Variants in CCDC50 observed in about 807,000 individuals in gnomAD.
CCDC50 encodes coiled-coil domain-containing protein 50.
CCDC50 carries 54 observed loss-of-function variants against 70.2 expected under a neutral mutation model. That is an observed-to-expected ratio of 0.77 (90% CI 0.62 to 0.96). CCDC50 has a LOEUF of 0.96. CCDC50 is among the 50% of genes least tolerant of loss of function. CCDC50 has a pLI of 0.00. For missense variants in CCDC50, 558 were observed against 578.7 expected (o/e 0.96, Z 0.37); for synonymous variants, 216 against 198.8 (o/e 1.09, Z -0.73).
At chr3:191,333,506 A>G (rs191481394) in intron 1 of CCDC50, among the ~76,000 whole-genome samples, 58 of 152,208 alleles carry the variant, frequency 3.8e-4, no homozygotes, top group Admixed American at 1.6e-3. Context: ...CGGCAAACCC[A>G]CTTTCCCTGT....
intron 1 of CCDC50, 72 bp from the exon 2 acceptor site, chr3:191,357,016 A>C (rs528726697): frequency 9.3e-5 from 92 of 985,012 alleles, no homozygotes; most frequent in Non-Finnish European, 1.4e-4. Flanking sequence ...GTAAAAAAAA[A>C]AAATCCTTTC....
chr3:191,380,644 G>T (rs759848131), intron 7 of CCDC50, 43 bp from the exon 8 acceptor site: 2 of 1,574,430 alleles, frequency 1.3e-6, no homozygotes, highest in Admixed American at 1.7e-5. Flanking sequence ...GCACAACATA[G>T]ATTCCAATTA....
intron 1 of CCDC50, among the ~76,000 whole-genome samples, chr3:191,354,262 T>C (rs1202969785): frequency 1.3e-5 from 2 of 152,208 alleles, no homozygotes; most frequent in African/African-American, 4.8e-5. Context: ...GCAGAATGGC[T>C]CATGCAGCTA....
chr3:191,381,221 G>A (rs1713307089), intron 9 of CCDC50, among the ~76,000 whole-genome samples: 1 of 152,084 alleles, frequency 6.6e-6, no homozygotes, highest in South Asian at 2.1e-4. Flanking sequence ...TTCATATACA[G>A]TACTTTGATT....
rs760412681 is a variant in CCDC50, at chr3:191,382,829, A to G, written c.1322+4A>G. On this transcript the variant is annotated splice_donor_region_variant and intron_variant, in intron 10 of 11. Transcript: ENST00000392455. ...CTAAGAATGAAAGGCCAGCACGGTA[A>G]GCTGACACCTGAAAAGAAAAATGAG... is the stretch of plus-strand genomic sequence containing the variant. 1 of 1,604,988 alleles carries G rather than the reference A, an allele frequency of 6.2e-7. No individual in the cohort carries two copies. The highest frequency in any genetic ancestry group is 1.7e-5 in the Admixed American group (1 of 59,952).
In CCDC50 at chr3:191,360,946, A is replaced by G. The variant is rs1468201641; in HGVS notation, c.240-123A>G. On this transcript the variant is annotated intron_variant, in intron 3 of 11. Coordinates refer to ENST00000392455, the MANE Select transcript of CCDC50 (RefSeq NM_178335.3). ...CAGCCTCTTTGCATCTTTATCTTGAAGATAAAGTGAGAAAAATAATGTACT... is the reference window on the plus strand; with the variant it reads ...CAGCCTCTTTGCATCTTTATCTTGAGGATAAAGTGAGAAAAATAATGTACT... 5.7e-6 allele frequency: 4 copies of G among 703,234 alleles called. No individual in the cohort carries two copies. The African/African-American group carries it at 7.2e-5, about 13-fold the overall frequency. 43.6% of individuals were successfully genotyped at this position (703,234 alleles called of 1,614,324 possible).
chr3:191,370,210 T>C (rs1712853030), intron 5 of CCDC50, 174 bp downstream of exon 5: 4 of 571,492 alleles, frequency 7.0e-6, no homozygotes, highest in South Asian at 1.8e-5. Context: ...ATTCATGTTT[T>C]GTTTTGTTTT....
chr3:191,392,333 C>T lies in CCDC50; in HGVS notation c.*573C>T, dbSNP rs1285946848. On this transcript the variant is annotated 3_prime_UTR_variant, in exon 12 of 12. Coordinates refer to ENST00000392455, the MANE Select transcript of CCDC50 (RefSeq NM_178335.3). ...TAGAGGTTTTGCATTTCTCAGCCCTCCTGGGGAGATTGGCCTAGATAGCAT... is the reference window on the plus strand; with the variant it reads ...TAGAGGTTTTGCATTTCTCAGCCCTTCTGGGGAGATTGGCCTAGATAGCAT... 6.5e-6 allele frequency: 1 copy of T among 153,932 alleles called. No individual in the cohort carries two copies. Among genetic ancestry groups the T allele is most frequent in the Admixed American group, 6.4e-5 (1 of 15,566 alleles). 9.5% of individuals were successfully genotyped at this position (153,932 alleles called of 1,614,324 possible).
At chr3:191,356,990 A>G in intron 1 of CCDC50, 98 bp from the exon 2 acceptor site, 1 of 777,174 alleles carries the variant, frequency 1.3e-6, no homozygotes, top group East Asian at 2.7e-5. Context: ...AAATATTAGA[A>G]TTGATTTTTT....
At chr3:191,338,742 TGA>T (rs1711607703) in intron 1 of CCDC50, among the ~76,000 whole-genome samples, 1 of 152,232 alleles carries the variant, frequency 6.6e-6, no homozygotes, top group African/African-American at 2.4e-5. Context: ...TTTTGTTGTA[TGA>T]GTTGTTCCAG....
In CCDC50 at chr3:191,375,159, G is replaced by A. The variant is rs201472875; in HGVS notation, c.546G>A (p.Glu182=). 12 of 1,613,760 alleles carry A rather than the reference G, an allele frequency of 7.4e-6. No individual in the cohort carries two copies. Among genetic ancestry groups the A allele is most frequent in the East Asian group, 2.2e-5 (1 of 44,874 alleles). The change falls in exon 6 of 12, where the codon GAG becomes GAA. Residue 182 remains glutamate, a synonymous_variant. Transcript: ENST00000392455. ...RDGKTVKHKK[E]KPEHPLENLE... ...GAAAGACTGTGAAGCACAAGAAAGAGAAACCAGAACATCCACTGGAGAACT... is the reference window on the plus strand; with the variant it reads ...GAAAGACTGTGAAGCACAAGAAAGAAAAACCAGAACATCCACTGGAGAACT...
At chr3:191,379,455 A>C (rs1385634923) in intron 6 of CCDC50, among the ~76,000 whole-genome samples, 1 of 152,116 alleles carries the variant, frequency 6.6e-6, no homozygotes, top group Non-Finnish European at 1.5e-5. Context: ...CACACTGTCA[A>C]GTAAAAGTTT....
chr3:191,337,438 A>C (rs1416220671), intron 1 of CCDC50, among the ~76,000 whole-genome samples: 1 of 151,568 alleles, frequency 6.6e-6, no homozygotes, highest in African/African-American at 2.4e-5. Flanking sequence ...TCTGACGCCC[A>C]GGCTCGAGCG....
At chr3:191,348,250 C>G (rs1711990865) in intron 1 of CCDC50, among the ~76,000 whole-genome samples, 1 of 141,132 alleles carries the variant, frequency 7.1e-6, no homozygotes, top group African/African-American at 2.5e-5. Flanking sequence ...CACAGAGATT[C>G]CCCCACCATC....
rs1371697211 is a variant in CCDC50 at position 191,392,578 on chromosome 3, C to G, written c.*818C>G. ...GCATAAGTAATGATGCCATCCTTCT[C>G]TCTGGCTGTAGACTGAGGCTTTTCT... On this transcript the variant is annotated 3_prime_UTR_variant, in exon 12 of 12. Coordinates refer to ENST00000392455, the MANE Select transcript of CCDC50 (RefSeq NM_178335.3). 1 of 152,230 alleles carries G rather than the reference C, an allele frequency of 6.6e-6. No homozygotes were observed. 9.4% of individuals were successfully genotyped at this position (152,230 alleles called of 1,614,324 possible). A position where few individuals can be genotyped will look rare whatever the true frequency, so the allele number is the denominator to read the frequency against.
chr3:191,348,331 C>T lies in CCDC50; in HGVS notation c.50-8757C>T, dbSNP rs138980872. ...TCTCCCATTCTCTGTGTTTCATTCT[C>T]ACAACAACCAAGCAACCAAAAACAG... On this transcript the variant is annotated intron_variant, in intron 1 of 11. Transcript: ENST00000392455. Among the ~76,000 whole-genome samples, 564 of 142,148 alleles carry T rather than the reference C, an allele frequency of 4.0e-3. 69 individuals are homozygous for T. Among genetic ancestry groups the T allele is most frequent in the African/African-American group, 0.012 (487 of 39,920 alleles). The allele number at this position is 142,148 out of a possible 152,430, so 93.3% of individuals were successfully genotyped here. A position where few individuals can be genotyped will look rare whatever the true frequency, so the allele number is the denominator to read the frequency against.
rs149744405 is a variant in CCDC50, at chr3:191,385,817, G to A, written c.1322+2992G>A. On this transcript the variant is annotated intron_variant, in intron 10 of 11. Coordinates refer to ENST00000392455, the MANE Select transcript of CCDC50 (RefSeq NM_178335.3). ...TTTTTTGTATATGGTGAGAGGTATG[G>A]GTCCAGTTTCATTCTTCTGCATATG... Among the ~76,000 whole-genome samples, 470 of 152,116 alleles carry A rather than the reference G, an allele frequency of 3.1e-3. 6 individuals are homozygous for A. The highest frequency in any genetic ancestry group is 0.01 in the African/African-American group (424 of 41,512).
At position 191,389,539 on chromosome 3, in the gene CCDC50, A is replaced by T. The variant is rs1286711688; in HGVS notation, c.1366A>T (p.Thr456Ser). 2.5e-6 allele frequency: 4 copies of T among 1,614,014 alleles called. No homozygotes were observed. In the South Asian group the frequency reaches 3.3e-5, roughly 13 times the overall value. Reference protein sequence around the residue: ...IMTDGEDADYTHFTNQQSSTR... With the variant: ...IMTDGEDADYSHFTNQQSSTR... ...GACAGATGGTGAAGATGCGGATTAC[A>T]CTCATTTTACAAACCAGCAGAGTTC... Residue 456 changes from threonine (T) to serine (S), a missense_variant, in exon 11 of 12, where the codon ACT becomes TCT. Physicochemically the swap from Thr to Ser is moderately conservative, Grantham distance 58 (BLOSUM62 1). Coordinates refer to ENST00000392455, the MANE Select transcript of CCDC50 (RefSeq NM_178335.3).
At chr3:191,338,906 G>A (rs1309942495) in intron 1 of CCDC50, among the ~76,000 whole-genome samples, 2 of 152,146 alleles carry the variant, frequency 1.3e-5, no homozygotes, top group Non-Finnish European at 2.9e-5. Flanking sequence ...CCAGTAAAGT[G>A]ATATGGTCAT....
Sources: gnomAD v4.1 joint callset for allele counts (sites outside exome capture counted in the v4.1 genomes callset) on GRCh38, gnomAD v4.1.1 for gene constraint, MANE v1.5 for transcripts, NCBI Gene and HGNC (gene_info 2026-07-23, HGNC 2026-07-21) for gene names.